MACROD2: variants seen among roughly 807,000 people sequenced by gnomAD.
MACROD2 encodes the protein ADP-ribose glycohydrolase MACROD2.
MACROD2 carries 36 observed loss-of-function variants against 70.4 expected under a neutral mutation model. The ratio of observed to expected loss-of-function variants is 0.51; its 90% CI spans 0.39 to 0.68. The LOEUF (loss-of-function observed/expected upper bound fraction) is 0.68. Ranked by LOEUF, MACROD2 falls within the 30% of genes least tolerant of loss-of-function variation. The pLI, the probability that MACROD2 is intolerant of heterozygous loss-of-function variation, is 0.00. For missense variants in MACROD2, 496 were observed against 538.4 expected (o/e 0.92, Z 0.78); for synonymous variants, 172 against 178.8 (o/e 0.96, Z 0.30).
intron 8 of MACROD2, among the ~76,000 whole-genome samples, chr20:15,619,046 A>G (rs2049086435): frequency 6.6e-6 from 1 of 152,186 alleles, no homozygotes; most frequent in Non-Finnish European, 1.5e-5. Context: ...CCACAAGATC[A>G]CATGAGCCAG....
intron 8 of MACROD2, among the ~76,000 whole-genome samples, chr20:15,729,462 C>T (rs553617145): frequency 5.9e-5 from 9 of 152,232 alleles, no homozygotes; most frequent in Admixed American, 5.2e-4. Context: ...CGTCAGTGAT[C>T]TGTCTAATAA....
chr20:15,200,885 TG>T, intron 5 of MACROD2, among the ~76,000 whole-genome samples: 1 of 152,322 alleles, frequency 6.6e-6, no homozygotes, highest in Non-Finnish European at 1.5e-5. Flanking sequence ...TGCTAGACCA[TG>T]GACCACACTT....
chr20:15,982,902 G>C (rs1452374161), intron 13 of MACROD2, among the ~76,000 whole-genome samples: 2 of 144,756 alleles, frequency 1.4e-5, no homozygotes, highest in Non-Finnish European at 3.0e-5. Flanking sequence ...TTGGACGTGG[G>C]GGCCATTTGG....
Position 15,435,100 on chromosome 20 carries a change from A to G in MACROD2, c.571+3665A>G, listed in dbSNP as rs148183268. ...CACTGCTTGGGTGACAGGTACGCCA[A>G]TATCTCAGAAATTACCACCAAAGAA... On this transcript the variant is annotated intron_variant, in intron 7 of 17. Transcript: ENST00000684519. 2.1e-3 allele frequency among the ~76,000 whole-genome samples: 326 copies of G among 152,222 alleles called. 2 individuals carry two copies. The highest frequency in any genetic ancestry group is 7.1e-3 in the African/African-American group (297 of 41,540).
intron 7 of MACROD2, among the ~76,000 whole-genome samples, chr20:15,435,237 G>C (rs1448175221): frequency 1.3e-5 from 2 of 152,024 alleles, no homozygotes; most frequent in Non-Finnish European, 2.9e-5. Context: ...CAAAAAAGCA[G>C]AAGAAAACAC....
intron 3 of MACROD2, among the ~76,000 whole-genome samples, chr20:14,429,873 C>T (rs1036742204): frequency 2.0e-5 from 3 of 152,124 alleles, no homozygotes; most frequent in African/African-American, 7.2e-5. Context: ...TCATGTTTAC[C>T]AGAGGGTCCC....
intron 7 of MACROD2, among the ~76,000 whole-genome samples, chr20:15,442,562 G>A (rs2046510031): frequency 6.6e-6 from 1 of 152,070 alleles, no homozygotes; most frequent in Admixed American, 6.6e-5. Context: ...TCTACTCAAA[G>A]TAGCATTCAT....
intron 2 of MACROD2, among the ~76,000 whole-genome samples, chr20:14,033,350 A>G (rs1278758796): frequency 6.6e-6 from 1 of 151,894 alleles, no homozygotes; most frequent in Non-Finnish European, 1.5e-5. Flanking sequence ...GTTTCTTTAT[A>G]TATTTTGATA....
intron 10 of MACROD2, among the ~76,000 whole-genome samples, chr20:15,930,235 G>A (rs1165962087): frequency 6.6e-6 from 1 of 152,148 alleles, no homozygotes; most frequent in Non-Finnish European, 1.5e-5. Context: ...TAGCTAGACA[G>A]ACAAGGCTGA....
At chr20:15,961,958 G>C (rs552148436) in intron 12 of MACROD2, among the ~76,000 whole-genome samples, 9 of 152,340 alleles carry the variant, frequency 5.9e-5, no homozygotes, top group African/African-American at 2.2e-4. Context: ...CTGAAAATAA[G>C]AGCAGATTTG....
At chr20:15,862,964 C>T in intron 9 of MACROD2, 138 bp downstream of exon 9, 1 of 638,578 alleles carries the variant, frequency 1.6e-6, no homozygotes, top group East Asian at 2.8e-5. Context: ...TTTCTAAGAA[C>T]TGAACAAGGT....
intron 5 of MACROD2, among the ~76,000 whole-genome samples, chr20:14,788,763 G>GTTT (rs1195877119): frequency 0.029 from 2,301 of 79,450 alleles, 46 homozygotes; most frequent in Non-Finnish European, 0.038. Flanking sequence ...TAGTGGTGGT[G>GTTT]TTTTTTTTTT....
chr20:15,543,220 A>C (rs1482507135), intron 8 of MACROD2, among the ~76,000 whole-genome samples: 1 of 152,164 alleles, frequency 6.6e-6, no homozygotes, highest in East Asian at 1.9e-4. Flanking sequence ...ACCAGGTTCA[A>C]ATGTATCAGT....
chr20:14,365,346 G>A (rs1184729759), intron 3 of MACROD2, among the ~76,000 whole-genome samples: 1 of 151,238 alleles, frequency 6.6e-6, no homozygotes, highest in African/African-American at 2.4e-5. Flanking sequence ...ATAAATAAAT[G>A]AAATAATAAT....
At chr20:15,660,140 A>C (rs1339077619) in intron 8 of MACROD2, among the ~76,000 whole-genome samples, 1 of 152,170 alleles carries the variant, frequency 6.6e-6, no homozygotes, top group African/African-American at 2.4e-5. Flanking sequence ...GAAGAAATAA[A>C]GGCATAATGG....
intron 5 of MACROD2, among the ~76,000 whole-genome samples, chr20:15,030,736 C>T (rs139335642): frequency 2.8e-4 from 42 of 152,278 alleles, no homozygotes; most frequent in African/African-American, 9.9e-4. Flanking sequence ...TCAGATGCAC[C>T]TGTCAAAGTG....
chr20:14,595,089 C>T (rs1202081846), intron 4 of MACROD2, among the ~76,000 whole-genome samples: 2 of 152,070 alleles, frequency 1.3e-5, no homozygotes, highest in East Asian at 1.9e-4. Context: ...GCTTTGTTCA[C>T]TCATTCAACA....
At chr20:14,174,104 A>G (rs2081244840) in intron 3 of MACROD2, among the ~76,000 whole-genome samples, 1 of 152,104 alleles carries the variant, frequency 6.6e-6, no homozygotes, top group Non-Finnish European at 1.5e-5. Flanking sequence ...GTTTGCCTCC[A>G]GTCAGGAGGT....
chr20:15,469,470 G>A (rs2046937020), intron 7 of MACROD2, among the ~76,000 whole-genome samples: 2 of 152,132 alleles, frequency 1.3e-5, no homozygotes, highest in South Asian at 4.1e-4. Flanking sequence ...AGCTACGGAG[G>A]GCCTGGGATC....
Sources: gnomAD v4.1 joint callset for allele counts (sites outside exome capture counted in the v4.1 genomes callset) on GRCh38, gnomAD v4.1.1 for gene constraint, MANE v1.5 for transcripts, NCBI Gene and HGNC (gene_info 2026-07-23, HGNC 2026-07-21) for gene names.